SNAP91: variants seen among roughly 807,000 people sequenced by gnomAD.
SNAP91 encodes synaptosome associated protein 91.
SNAP91 carries 27 observed loss-of-function variants against 100.3 expected under a neutral mutation model. That is an observed-to-expected ratio of 0.27 (90% CI 0.20 to 0.37). The LOEUF (loss-of-function observed/expected upper bound fraction) is 0.37. SNAP91 is among the 10% of genes least tolerant of loss of function. The pLI is 1.00. For synonymous variants in SNAP91, 404 were observed against 398.6 expected (o/e 1.01, Z -0.16); for missense variants, 986 against 1,123.7 (o/e 0.88, Z 1.75).
rs1482339934 is a variant in SNAP91, at chr6:83,662,400, G to C, written c.296C>G (p.Ser99Cys). 1 of 1,397,188 alleles carries C rather than the reference G, an allele frequency of 7.2e-7. No homozygotes were observed. Among genetic ancestry groups the C allele is most frequent in the South Asian group, 1.6e-5 (1 of 63,056 alleles). 86.5% of individuals were successfully genotyped at this position (1,397,188 alleles called of 1,614,324 possible). A position where few individuals can be genotyped will look rare whatever the true frequency, so the allele number is the denominator to read the frequency against. Residue 99 changes from serine (S) to cysteine (C), a missense_variant, in exon 4 of 30, where the codon TCT (serine) becomes TGT (cysteine). Around this residue, in one of 4 missense-constraint regions of SNAP91, gnomAD observed 330 missense variants for 447.5 expected, o/e 0.74. Coordinates refer to ENST00000369694, the MANE Select transcript of SNAP91 (RefSeq NM_001242792.2). ...GNERFIQYLA[S>C]RNTLFNLSNF... ...GCTGAGATTGAATAGTGTATTTCTA[G>C]AAGCCAAATATTGAATAAATCTCTG...
At chr6:83,572,920 A>G (rs560781145) in intron 26 of SNAP91, among the ~76,000 whole-genome samples, 1 of 152,164 alleles carries the variant, frequency 6.6e-6, no homozygotes, top group Admixed American at 6.5e-5. Context: ...TTTTATTCAG[A>G]TTTATTTACT....
intron 28 of SNAP91, 130 bp from the exon 29 acceptor site, chr6:83,556,375 GAGAGAGAGAGAGAGAGAGAGAA>G (rs1778725913): frequency 4.0e-6 from 2 of 496,774 alleles, no homozygotes; most frequent in South Asian, 2.6e-5. Context: ...GAGAGAGAGA[GAGAGAGAGAGAGAGAGAGAGAA>G]AAGCATTAGG....
At chr6:83,614,440 G>A (rs61417237) in intron 11 of SNAP91, among the ~76,000 whole-genome samples, 45,742 of 151,922 alleles carry the variant, frequency 0.3, 7,099 homozygotes, top group South Asian at 0.35. Context: ...TACTTGGTTT[G>A]GAGGTTAGAA....
intron 14 of SNAP91, among the ~76,000 whole-genome samples, chr6:83,603,530 A>G (rs760797660): frequency 6.6e-6 from 1 of 151,932 alleles, no homozygotes; most frequent in Non-Finnish European, 1.5e-5. Flanking sequence ...AGTTTTTTTA[A>G]TCCAACTGTC....
At chr6:83,568,344 G>A (rs1015954035) in intron 26 of SNAP91, among the ~76,000 whole-genome samples, 1 of 152,108 alleles carries the variant, frequency 6.6e-6, no homozygotes, top group Non-Finnish European at 1.5e-5. Flanking sequence ...GGGGCCTGTT[G>A]TGGGATGGGG....
rs1246215139 is a variant in SNAP91 at position 83,554,671 on chromosome 6, T to C, written c.*11-386A>G. Among the ~76,000 whole-genome samples, 4 of 152,258 alleles carry C rather than the reference T, an allele frequency of 2.6e-5. No individual in the cohort carries two copies. In the East Asian group the frequency reaches 7.7e-4, roughly 29 times the overall value. ...GGGGCATGGCAATGACCTTACATTA[T>C]TTTTTCATGTATTCAGTTATGGTGT... On this transcript the variant is annotated intron_variant, in intron 29 of 29. Coordinates refer to ENST00000369694, the MANE Select transcript of SNAP91 (RefSeq NM_001242792.2).
chr6:83,652,258 C>T lies in SNAP91; in HGVS notation c.658+4496G>A, dbSNP rs117164714. ...ATTTGTTACTATTTTCTATTTATTG[C>T]CTTTGTTCTTTGTTCCTATTTTTGT... is the stretch of plus-strand genomic sequence containing the variant. On this transcript the variant is annotated intron_variant, in intron 7 of 29. Transcript: ENST00000369694. 4.4e-3 allele frequency among the ~76,000 whole-genome samples: 672 copies of T among 152,114 alleles called. 10 individuals carry two copies. Among genetic ancestry groups the T allele is most frequent in the East Asian group, 0.014 (74 of 5,184 alleles).
chr6:83,571,642 A>G (rs1808008555), intron 26 of SNAP91, among the ~76,000 whole-genome samples: 1 of 152,184 alleles, frequency 6.6e-6, no homozygotes, highest in Non-Finnish European at 1.5e-5. Flanking sequence ...CATAGGTGAA[A>G]GAGACTTGCC....
intron 2 of SNAP91, among the ~76,000 whole-genome samples, chr6:83,705,223 A>G (rs1354867186): frequency 1.3e-5 from 2 of 152,214 alleles, no homozygotes; most frequent in African/African-American, 4.8e-5. Flanking sequence ...AAGAAAAACC[A>G]CTAACCAATA....
At chr6:83,607,494 T>C (rs1320704584) in intron 13 of SNAP91, among the ~76,000 whole-genome samples, 1 of 152,198 alleles carries the variant, frequency 6.6e-6, no homozygotes. Flanking sequence ...TCTCAGTTTG[T>C]GACAACAAGG....
intron 8 of SNAP91, among the ~76,000 whole-genome samples, chr6:83,639,125 C>A (rs1385094438): frequency 4.6e-5 from 7 of 152,170 alleles, no homozygotes; most frequent in African/African-American, 1.7e-4. Context: ...TCCCAAATAA[C>A]CAATATATAA....
chr6:83,702,723 T>C (rs1322524607), intron 2 of SNAP91, among the ~76,000 whole-genome samples: 1 of 150,530 alleles, frequency 6.6e-6, no homozygotes, highest in Admixed American at 6.6e-5. Context: ...AAAAAAAAAA[T>C]CTAAAGTGAC....
At chr6:83,609,354 G>A (rs917202873) in intron 12 of SNAP91, among the ~76,000 whole-genome samples, 1 of 152,182 alleles carries the variant, frequency 6.6e-6, no homozygotes, top group African/African-American at 2.4e-5. Context: ...ATATATTGGA[G>A]TTTTTCACAT....
At chr6:83,701,515 C>T (rs927863217) in intron 2 of SNAP91, among the ~76,000 whole-genome samples, 18 of 151,546 alleles carry the variant, frequency 1.2e-4, no homozygotes, top group Admixed American at 5.9e-4. Context: ...GGCGCGATCT[C>T]GGCTCACTGC....
At chr6:83,591,531 T>C (rs975516117) in intron 21 of SNAP91, among the ~76,000 whole-genome samples, 3 of 152,190 alleles carry the variant, frequency 2.0e-5, no homozygotes, top group Non-Finnish European at 4.4e-5. Flanking sequence ...GGGAATTCTT[T>C]TTTTTTTCTA....
intron 2 of SNAP91, among the ~76,000 whole-genome samples, chr6:83,677,888 T>C (rs574982755): frequency 2.6e-4 from 39 of 152,284 alleles, no homozygotes; most frequent in African/African-American, 9.1e-4. Context: ...AAGATGACCA[T>C]TTGTAACAGA....
At chr6:83,682,740 C>G (rs544326871) in intron 2 of SNAP91, among the ~76,000 whole-genome samples, 6 of 132,748 alleles carry the variant, frequency 4.5e-5, no homozygotes, top group South Asian at 3.0e-4. Flanking sequence ...GCCCTCCCCG[C>G]ACCCCACAAC....
At chr6:83,690,358 T>C (rs770651925) in intron 2 of SNAP91, 5 of 1,287,862 alleles carry the variant, frequency 3.9e-6, no homozygotes, top group South Asian at 1.2e-5. Flanking sequence ...CATACTTTGG[T>C]TGTATGACTC....
At chr6:83,623,617 T>C (rs1228663080) in intron 8 of SNAP91, among the ~76,000 whole-genome samples, 1 of 152,108 alleles carries the variant, frequency 6.6e-6, no homozygotes, top group South Asian at 2.1e-4. Context: ...TAAAATGTAA[T>C]GGTATCCTTA....
Sources: allele counts gnomAD v4.1 joint callset (sites outside exome capture counted in the v4.1 genomes callset), GRCh38; gene constraint gnomAD v4.1.1; regional missense constraint gnomAD v4.1.1; transcripts MANE v1.5; gene names NCBI Gene and HGNC (gene_info 2026-07-23, HGNC 2026-07-21).